PGM1: variants seen among roughly 807,000 people sequenced by gnomAD.
PGM1 encodes phosphoglucomutase 1.
PGM1 carries 52 observed loss-of-function variants against 55.6 expected under a neutral mutation model. That is an observed-to-expected ratio of 0.94 (90% CI 0.75 to 1.18). The LOEUF (loss-of-function observed/expected upper bound fraction) is 1.18, where lower values mean the gene tolerates loss of function less well. Ranked by LOEUF, PGM1 falls within the 50% of genes most tolerant of loss-of-function variation. The pLI is 0.00. For synonymous variants in PGM1, 287 were observed against 271.7 expected (o/e 1.06, Z -0.55); for missense variants, 724 against 729.3 (o/e 0.99, Z 0.08).
chr1:63,628,810 A>G (rs1179638503), intron 1 of PGM1, among the ~76,000 whole-genome samples: 3 of 152,152 alleles, frequency 2.0e-5, no homozygotes, highest in Admixed American at 2.0e-4. Context: ...TAACTCCAGC[A>G]TTCTTGTCTT....
intron 8 of PGM1, chr1:63,651,465 C>T (rs934523444): frequency 2.3e-5 from 13 of 573,716 alleles, no homozygotes; most frequent in Middle Eastern, 4.7e-4. Context: ...CATAACCCTT[C>T]CCTGAAATCC....
rs146446077 is a variant in PGM1 at position 63,633,549 on chromosome 1, C to T, written c.683-1280C>T. 3.3e-4 allele frequency among the ~76,000 whole-genome samples: 51 copies of T among 152,244 alleles called. 1 individual carries two copies. The highest frequency in any genetic ancestry group is 6.3e-4 in the Non-Finnish European group (43 of 68,026). Reference sequence around the variant, plus strand: ...TGTACTGTATTGGGATTAGTACCATCCTTGATGAAAATACTCTCTCAGCAT... The same window carrying T: ...TGTACTGTATTGGGATTAGTACCATTCTTGATGAAAATACTCTCTCAGCAT... On this transcript the variant is annotated intron_variant, in intron 4 of 10. Transcript: ENST00000371084.
chr1:63,655,993 C>G (rs1649954944), intron 10 of PGM1: 1 of 152,108 alleles, frequency 6.6e-6, no homozygotes, highest in African/African-American at 2.4e-5. Context: ...AGTGGGATTG[C>G]ACCTGTGAAT....
At chr1:63,630,585 G>A (rs1441430949) in intron 3 of PGM1, among the ~76,000 whole-genome samples, 7 of 152,110 alleles carry the variant, frequency 4.6e-5, no homozygotes, top group East Asian at 1.9e-4. Flanking sequence ...TGAATGATTC[G>A]CAAGACTACA....
intron 1 of PGM1, among the ~76,000 whole-genome samples, chr1:63,627,367 G>A (rs2269253): frequency 0.13 from 20,410 of 152,092 alleles, 1,400 homozygotes; most frequent in African/African-American, 0.17. Context: ...AGCCAGGGTC[G>A]AGTAAGAGAG....
chr1:63,629,802 T>A (rs1649144471), intron 2 of PGM1, 140 bp from the exon 3 acceptor site: 8 of 1,105,498 alleles, frequency 7.2e-6, no homozygotes, highest in Non-Finnish European at 9.5e-6. Flanking sequence ...GATATTTTCT[T>A]TTAGAAAAAT....
chr1:63,648,441 C>A (rs1435254008), intron 7 of PGM1, 76 bp from the exon 8 acceptor site: 11 of 1,567,606 alleles, frequency 7.0e-6, no homozygotes, highest in Non-Finnish European at 7.0e-6. Context: ...GGATGCAGAG[C>A]CAAACCATAT....
At chr1:63,606,690 G>A (rs2100962093) in intron 1 of PGM1, among the ~76,000 whole-genome samples, 1 of 152,350 alleles carries the variant, frequency 6.6e-6, no homozygotes, top group South Asian at 2.1e-4. Flanking sequence ...GGTGTCATCT[G>A]TCAAGCTAAA....
chr1:63,595,312 A>T (rs911106548), intron 1 of PGM1, among the ~76,000 whole-genome samples: 1 of 152,172 alleles, frequency 6.6e-6, no homozygotes, highest in Non-Finnish European at 1.5e-5. Context: ...AGGTAGGTTA[A>T]ATAATTTACA....
At position 63,654,478 on chromosome 1, in the gene PGM1, C is replaced by T. The variant is rs199629577; in HGVS notation, c.1599+12C>T. 31 of 1,613,526 alleles carry T rather than the reference C, an allele frequency of 1.9e-5. 1 individual carries two copies. Among genetic ancestry groups the T allele is most frequent in the South Asian group, 1.1e-4 (10 of 91,046 alleles). On this transcript the variant is annotated intron_variant, in intron 10 of 10. Transcript: ENST00000371084. The stretch of plus-strand genomic sequence containing the variant: ...ACCAGGACCCCCAGGTAACGCCCAG[C>T]CCTGTGCCCTGGTTAGTTCTTTCTG...
At chr1:63,639,157 C>T (rs927775986) in intron 7 of PGM1, among the ~76,000 whole-genome samples, 4 of 152,056 alleles carry the variant, frequency 2.6e-5, no homozygotes, top group African/African-American at 9.7e-5. Flanking sequence ...AGAAGAAATA[C>T]GGTGGAGCAA....
At chr1:63,649,272 C>A (rs941961920) in intron 8 of PGM1, among the ~76,000 whole-genome samples, 2 of 152,162 alleles carry the variant, frequency 1.3e-5, no homozygotes, top group Admixed American at 6.5e-5. Context: ...CGATTTCCAT[C>A]GGGTACTTGG....
rs1244291768 is a variant in PGM1 at position 63,593,594 on chromosome 1, G to A, written c.106G>A (p.Ala36Thr). 2 of 1,613,510 alleles carry A rather than the reference G, an allele frequency of 1.2e-6. No homozygotes were observed. Among genetic ancestry groups the A allele is most frequent in the East Asian group, 2.2e-5 (1 of 44,884 alleles). The part of the protein sequence containing the change: ...VKVFQSSANY[A>T]ENFIQSIIST... Reference sequence around the variant, plus strand: ...GGTGTTCCAGAGCAGCGCCAACTACGCGGAGAACTTCATCCAGAGTATCAT... The same window carrying A: ...GGTGTTCCAGAGCAGCGCCAACTACACGGAGAACTTCATCCAGAGTATCAT... The change falls in exon 1 of 11, where the codon GCG becomes ACG. Residue 36 changes from alanine to threonine, a missense_variant. This residue lies in a region of PGM1 where 379 missense variants were observed against 357.5 expected (regional missense o/e 1.06). Transcript: ENST00000371084.
In PGM1 at chr1:63,631,688, T is replaced by C; in HGVS notation, c.588T>C (p.Ala196=). 1 of 1,613,392 alleles carries C rather than the reference T, an allele frequency of 6.2e-7. No homozygotes were observed. The highest frequency in any genetic ancestry group is 8.5e-7 in the Non-Finnish European group (1 of 1,179,302). Residue 196 remains alanine, a synonymous_variant, in exon 4 of 11, where the codon GCT becomes GCC. Transcript: ENST00000371084. ...VEIVDSVEAY[A]TMLRSIFDFS... ...TTGTGGATTCGGTAGAAGCTTATGC[T>C]ACAATGCTGAGAAGCATCTTTGATT...
intron 9 of PGM1, 74 bp from the exon 10 acceptor site, chr1:63,654,258 A>C: frequency 7.0e-7 from 1 of 1,432,724 alleles, no homozygotes; most frequent in Middle Eastern, 1.8e-4. Context: ...ACATCCCCAA[A>C]TAGACCCCTC....
intron 1 of PGM1, among the ~76,000 whole-genome samples, chr1:63,606,640 C>G (rs774111901): frequency 2.0e-5 from 3 of 152,210 alleles, no homozygotes; most frequent in Non-Finnish European, 4.4e-5. Context: ...AAGCCTACCT[C>G]TAGCAGCAAG....
intron 1 of PGM1, among the ~76,000 whole-genome samples, chr1:63,617,508 A>C (rs1353074758): frequency 6.6e-6 from 1 of 151,960 alleles, no homozygotes; most frequent in African/African-American, 2.4e-5. Context: ...GGAGTTCGAG[A>C]CCAGCCTGTC....
rs1423638950 is a variant in PGM1 at position 63,647,485 on chromosome 1, ATTT to A, written c.1145-1031_1145-1029del. Among the ~76,000 whole-genome samples, 5 of 148,768 alleles carry A rather than the reference ATTT, an allele frequency of 3.4e-5. No homozygotes were observed. The East Asian group carries it at 5.9e-4, about 17-fold the overall frequency. On this transcript the variant is annotated intron_variant, in intron 7 of 10. Transcript: ENST00000371084. ...CTTTTATGAATACCGAATTTACATT[ATTT>A]ATCACCCCTAAGATTTATATATATA...
intron 1 of PGM1, among the ~76,000 whole-genome samples, chr1:63,598,002 C>T (rs1648130890): frequency 6.6e-6 from 1 of 152,158 alleles, no homozygotes; most frequent in South Asian, 2.1e-4. Flanking sequence ...CATGGTCTTA[C>T]TCTGTTGCCC....
Sources: gnomAD v4.1 joint callset for allele counts (sites outside exome capture counted in the v4.1 genomes callset) on GRCh38, gnomAD v4.1.1 for gene constraint, gnomAD v4.1.1 regional missense constraint, MANE v1.5 for transcripts, NCBI Gene and HGNC (gene_info 2026-07-23, HGNC 2026-07-21) for gene names.